TENM2: variants seen among roughly 807,000 people sequenced by gnomAD.
The protein encoded by TENM2 is teneurin transmembrane protein 2.
A neutral mutation model predicts 245.2 loss-of-function variants in TENM2; 52 were observed. The observed-to-expected ratio is 0.21, with a 90% CI of 0.17 to 0.27. The LOEUF is 0.27. Ranked by LOEUF, TENM2 falls within the 10% of genes least tolerant of loss-of-function variation. TENM2 has a pLI of 1.00. For missense variants in TENM2, 3,046 were observed against 3,666.8 expected (o/e 0.83, Z 4.37); for synonymous variants, 1,363 against 1,438.9 (o/e 0.95, Z 1.19).
chr5:168,191,773 C>T (rs999884781), intron 14 of TENM2, among the ~76,000 whole-genome samples: 3 of 152,232 alleles, frequency 2.0e-5, no homozygotes, highest in Non-Finnish European at 2.9e-5. Flanking sequence ...GTGATTCTCT[C>T]GGAGCCCCTC....
At chr5:167,108,629 G>T in the TENM2 span, among the ~76,000 whole-genome samples, 1 of 152,218 alleles carries the variant, frequency 6.6e-6, no homozygotes, top group Non-Finnish European at 1.5e-5. Flanking sequence ...AGTCAGAGAT[G>T]AAGTTCTTGT....
chr5:167,623,726 A>G (rs1475442898), intron 2 of TENM2, among the ~76,000 whole-genome samples: 2 of 152,134 alleles, frequency 1.3e-5, no homozygotes, highest in African/African-American at 4.8e-5. Context: ...TGCAAAAGAG[A>G]GTGTGTGGAA....
the TENM2 span, among the ~76,000 whole-genome samples, chr5:167,001,663 C>T: frequency 2.6e-5 from 4 of 152,070 alleles, no homozygotes; most frequent in South Asian, 2.1e-4. Context: ...TTGTAAAATC[C>T]CTCCTGTCAC....
chr5:167,611,785 A>G (rs1415134674), intron 2 of TENM2, among the ~76,000 whole-genome samples: 1 of 151,968 alleles, frequency 6.6e-6, no homozygotes, highest in African/African-American at 2.4e-5. Context: ...ACATGGTGAA[A>G]GGGGCAAAGC....
chr5:168,164,270 A>G (rs1221165277), intron 13 of TENM2, among the ~76,000 whole-genome samples: 1 of 152,194 alleles, frequency 6.6e-6, no homozygotes, highest in Non-Finnish European at 1.5e-5. Context: ...TTTTGGTTTT[A>G]AGAGTTTTTG....
intron 2 of TENM2, among the ~76,000 whole-genome samples, chr5:167,806,161 C>T (rs1766151183): frequency 6.6e-6 from 1 of 152,100 alleles, no homozygotes; most frequent in African/African-American, 2.4e-5. Flanking sequence ...ACACCTTGCA[C>T]AGTGTTGTCA....
intron 2 of TENM2, among the ~76,000 whole-genome samples, chr5:167,421,665 A>G (rs112562924): frequency 1.2e-3 from 178 of 152,340 alleles, no homozygotes; most frequent in African/African-American, 4.0e-3. Context: ...ATAGTTCACA[A>G]TAAACCTCAG....
chr5:167,731,200 GTT>G (rs11398245), intron 2 of TENM2, among the ~76,000 whole-genome samples: 1 of 142,592 alleles, frequency 7.0e-6, no homozygotes, highest in Non-Finnish European at 1.5e-5. Flanking sequence ...CCTCCAGACA[GTT>G]TTTTTTTTTT....
At chr5:168,233,057 G>T (rs975069248) in intron 25 of TENM2, among the ~76,000 whole-genome samples, 1 of 152,196 alleles carries the variant, frequency 6.6e-6, no homozygotes, top group African/African-American at 2.4e-5. Context: ...GCCGGGCGTG[G>T]TGTCTCACGC....
chr5:167,946,058 G>C (rs1779598170), intron 3 of TENM2, among the ~76,000 whole-genome samples: 1 of 152,206 alleles, frequency 6.6e-6, no homozygotes, highest in African/African-American at 2.4e-5. Context: ...CATACCATAT[G>C]TGTGTCAATA....
At chr5:167,130,943 G>A in the TENM2 span, among the ~76,000 whole-genome samples, 4 of 134,824 alleles carry the variant, frequency 3.0e-5, no homozygotes, top group Non-Finnish European at 4.6e-5. Flanking sequence ...TCCTTCTGGT[G>A]GAATAGGTTA....
At chr5:167,859,049 A>G (rs943003252) in intron 2 of TENM2, among the ~76,000 whole-genome samples, 2 of 110,922 alleles carry the variant, frequency 1.8e-5, no homozygotes, top group African/African-American at 6.4e-5. Flanking sequence ...GGCCGCCATC[A>G]CATCTAGGAA....
chr5:167,952,710 C>T (rs1293985170), exon 4 of TENM2: 3 of 1,610,020 alleles, frequency 1.9e-6, no homozygotes, highest in Middle Eastern at 3.3e-4. Context: ...GACCAATCGG[C>T]GGAGTCAGAT....
At chr5:167,541,122 C>T (rs1479017259) in intron 2 of TENM2, among the ~76,000 whole-genome samples, 1 of 152,192 alleles carries the variant, frequency 6.6e-6, no homozygotes, top group Non-Finnish European at 1.5e-5. Context: ...TATTATAGGA[C>T]TTTGTCCCCA....
intron 3 of TENM2, among the ~76,000 whole-genome samples, chr5:167,909,051 C>T (rs866528358): frequency 6.8e-5 from 10 of 146,310 alleles, no homozygotes; most frequent in East Asian, 2.0e-4. Flanking sequence ...TTTATATTTT[C>T]GTTTTCTTTT....
intron 12 of TENM2, among the ~76,000 whole-genome samples, chr5:168,145,563 A>G (rs995821207): frequency 6.7e-6 from 1 of 149,396 alleles, no homozygotes; most frequent in Non-Finnish European, 1.5e-5. Flanking sequence ...TACCAGTACC[A>G]TGCTGTTTTG....
the TENM2 span, among the ~76,000 whole-genome samples, chr5:167,159,153 G>T: frequency 1.6e-4 from 24 of 151,476 alleles, no homozygotes; most frequent in Non-Finnish European, 2.9e-4. Context: ...ATGTTGTCCA[G>T]GCTAGTCTGG....
chr5:167,486,834 G>A (rs1030685208), intron 2 of TENM2, among the ~76,000 whole-genome samples: 9 of 152,032 alleles, frequency 5.9e-5, no homozygotes, highest in African/African-American at 1.9e-4. Context: ...AGCTTTAATC[G>A]AAGGACCAAA....
At chr5:167,990,917 C>A (rs978152554) in intron 4 of TENM2, among the ~76,000 whole-genome samples, 1 of 152,162 alleles carries the variant, frequency 6.6e-6, no homozygotes, top group African/African-American at 2.4e-5. Context: ...ACTGGGAAAG[C>A]CTGCTAGCCC....
Sources: gnomAD v4.1 joint callset for allele counts (sites outside exome capture counted in the v4.1 genomes callset) on GRCh38, gnomAD v4.1.1 for gene constraint, MANE v1.5 for transcripts, NCBI Gene and HGNC (gene_info 2026-07-23, HGNC 2026-07-21) for gene names.